The following ULK4 variants were observed in gnomAD, a reference collection of about 807,000 sequenced individuals.
The protein encoded by ULK4 is unc-51 like kinase 4, also known as inactive serine/threonine-protein kinase ULK4.
A neutral mutation model predicts 160.6 loss-of-function variants in ULK4; 133 were observed. The ratio of observed to expected loss-of-function variants is 0.83; its 90% CI spans 0.72 to 0.96. The LOEUF is 0.96. Ranked by LOEUF, ULK4 falls within the 40% of genes least tolerant of loss-of-function variation. The probability of loss-of-function intolerance (pLI) is 0.00; values close to 1 mark genes in which losing one functional copy is unlikely to be tolerated. For missense variants in ULK4, 1,580 were observed against 1,499.5 expected (o/e 1.05, Z -0.89); for synonymous variants, 534 against 539.8 (o/e 0.99, Z 0.15).
chr3:41,771,447 T>A (rs1436986090), intron 21 of ULK4, among the ~76,000 whole-genome samples: 1 of 152,100 alleles, frequency 6.6e-6, no homozygotes, highest in African/African-American at 2.4e-5. Context: ...ACTCAGTAAA[T>A]GTAAATTTAT....
chr3:41,906,291 G>A (rs140363696), intron 12 of ULK4, among the ~76,000 whole-genome samples: 125 of 151,970 alleles, frequency 8.2e-4, no homozygotes, highest in African/African-American at 3.0e-3. Flanking sequence ...CTGGGAGGCT[G>A]AGACAGGAGC....
At chr3:41,551,250 A>C (rs941689273) in intron 32 of ULK4, among the ~76,000 whole-genome samples, 1 of 151,876 alleles carries the variant, frequency 6.6e-6, no homozygotes, top group Non-Finnish European at 1.5e-5. Flanking sequence ...AACCAAAACC[A>C]AAATTAGTAG....
chr3:41,397,715 C>T (rs2082091511), intron 35 of ULK4, among the ~76,000 whole-genome samples: 1 of 152,096 alleles, frequency 6.6e-6, no homozygotes. Flanking sequence ...GCTGACCCAA[C>T]TAGAATATGG....
At chr3:41,454,928 T>C (rs35176767) in intron 34 of ULK4, among the ~76,000 whole-genome samples, 39,187 of 151,938 alleles carry the variant, frequency 0.26, 6,371 homozygotes, top group East Asian at 0.55. Context: ...GAACACCTGA[T>C]TCAAATGATC....
At chr3:41,947,324 A>G (rs183189398) in intron 2 of ULK4, among the ~76,000 whole-genome samples, 15 of 152,296 alleles carry the variant, frequency 9.8e-5, no homozygotes, top group African/African-American at 3.6e-4. Flanking sequence ...GACACCTGAA[A>G]GTGTGGTTAT....
At chr3:41,716,228 TA>T (rs2037262111) in intron 23 of ULK4, among the ~76,000 whole-genome samples, 1 of 135,332 alleles carries the variant, frequency 7.4e-6, no homozygotes, top group African/African-American at 3.3e-5. Context: ...ATAATAATAA[TA>T]ATAATAATAA....
chr3:41,645,371 C>G (rs909265420), intron 30 of ULK4, among the ~76,000 whole-genome samples: 1 of 151,606 alleles, frequency 6.6e-6, no homozygotes, highest in African/African-American at 2.4e-5. Context: ...TGAATGTGTC[C>G]CAGAGATTCT....
Position 41,705,077 on chromosome 3 carries a change from A to T in ULK4, c.2761T>A (p.Leu921Met), listed in dbSNP as rs1267058543. The T allele has an allele frequency of 1.9e-6, 3 of 1,612,342 alleles. No individual in the cohort carries two copies. The highest frequency in any genetic ancestry group is 2.5e-6 in the Non-Finnish European group (3 of 1,179,588). ...FEAIIQYPIL[L>M]KDYRSTVVDY... The stretch of plus-strand genomic sequence containing the variant: ...CTGACCGTGGAGCGATAGTCTTTCA[A>T]TAAAATAGGATACTGTATTATTGCT... The change falls in exon 27 of 37, where the codon TTG (leucine) becomes ATG (methionine). Residue 921 changes from leucine to methionine, a missense_variant. By Grantham distance (15) the Leu-to-Met change is conservative (BLOSUM62 2). Transcript: ENST00000301831.
intron 34 of ULK4, among the ~76,000 whole-genome samples, chr3:41,399,951 T>C (rs571828297): frequency 1.3e-5 from 2 of 152,300 alleles, no homozygotes; most frequent in Admixed American, 1.3e-4. Flanking sequence ...GCTTTTTACT[T>C]TGAGGTCTTC....
intron 32 of ULK4, among the ~76,000 whole-genome samples, chr3:41,475,773 C>A (rs558478756): frequency 6.6e-6 from 1 of 152,196 alleles, no homozygotes; most frequent in East Asian, 1.9e-4. Flanking sequence ...TTCAAGCTAC[C>A]AGATCTTCCA....
chr3:41,835,975 C>CAAAA lies in ULK4; in HGVS notation c.1657-5_1657-4insTTTT, dbSNP rs375053751. ...ATTCAGTTAAGAGAACAATTGCCTG[C>CAAAA]AAAGACAAAAAAAAAAAAAGTAAAT... On this transcript the variant is annotated splice_polypyrimidine_tract_variant and splice_region_variant and intron_variant, in intron 17 of 36. Coordinates refer to ENST00000301831, the MANE Select transcript of ULK4 (RefSeq NM_017886.4). 6.9e-7 allele frequency: 1 copy of CAAAA among 1,447,412 alleles called. No individual in the cohort carries two copies. 89.7% of individuals were successfully genotyped at this position (1,447,412 alleles called of 1,614,324 possible).
rs551928983 is a variant in ULK4, at chr3:41,289,056, C to T, written c.3679-39482G>A. On this transcript the variant is annotated intron_variant, in intron 35 of 36. Coordinates refer to ENST00000301831, the MANE Select transcript of ULK4 (RefSeq NM_017886.4). ...GCGCCACGGGGAGCGGCAGAGCAGC[C>T]GGCCACTCCCACAGCTTTCTGCCTT... Among the ~76,000 whole-genome samples the T allele has an allele frequency of 3.1e-3, 478 of 152,280 alleles. 2 individuals carry two copies. The highest frequency in any genetic ancestry group is 0.017 in the South Asian group (80 of 4,824).
At chr3:41,564,447 T>C (rs1314087212) in intron 32 of ULK4, among the ~76,000 whole-genome samples, 2 of 127,374 alleles carry the variant, frequency 1.6e-5, no homozygotes, top group Non-Finnish European at 1.6e-5. Flanking sequence ...CTTCTTCTTC[T>C]TCTTTTTTTT....
intron 35 of ULK4, among the ~76,000 whole-genome samples, chr3:41,365,636 C>T (rs929857093): frequency 6.6e-6 from 1 of 152,072 alleles, no homozygotes; most frequent in African/African-American, 2.4e-5. Context: ...TGATAGAAAA[C>T]TGAGACTCAG....
chr3:41,948,503 A>C (rs1049500490), intron 2 of ULK4, among the ~76,000 whole-genome samples: 1 of 152,094 alleles, frequency 6.6e-6, no homozygotes, highest in African/African-American at 2.4e-5. Flanking sequence ...TAAATATCTT[A>C]TTATCTTAGT....
intron 35 of ULK4, among the ~76,000 whole-genome samples, chr3:41,287,372 A>AT (rs2079480766): frequency 6.6e-6 from 1 of 152,180 alleles, no homozygotes; most frequent in Non-Finnish European, 1.5e-5. Context: ...CTGGCTCAAG[A>AT]ACTGAAATGA....
intron 32 of ULK4, among the ~76,000 whole-genome samples, chr3:41,473,142 T>C (rs145463553): frequency 3.3e-5 from 5 of 152,214 alleles, no homozygotes; most frequent in Admixed American, 2.6e-4. Flanking sequence ...TTACATTCAA[T>C]GATGAAAAAA....
At chr3:41,315,062 T>C (rs1402585000) in intron 35 of ULK4, among the ~76,000 whole-genome samples, 1 of 152,196 alleles carries the variant, frequency 6.6e-6, no homozygotes, top group Non-Finnish European at 1.5e-5. Flanking sequence ...TTAGCATACG[T>C]CTTTTTAAAT....
intron 25 of ULK4, among the ~76,000 whole-genome samples, chr3:41,710,287 A>G (rs1183886689): frequency 6.6e-6 from 1 of 151,960 alleles, no homozygotes; most frequent in African/African-American, 2.4e-5. Flanking sequence ...CTTCCTTCTC[A>G]TTCTCAGTGT....
Sources: allele counts gnomAD v4.1 joint callset (sites outside exome capture counted in the v4.1 genomes callset), GRCh38; gene constraint gnomAD v4.1.1; transcripts MANE v1.5; gene names NCBI Gene and HGNC (gene_info 2026-07-23, HGNC 2026-07-21).